Variants in ZNF136 observed in about 807,000 individuals in gnomAD.
The protein encoded by ZNF136 is zinc finger protein 136.
ZNF136 carries 8 observed loss-of-function variants against 11.4 expected under a neutral mutation model. That is an observed-to-expected ratio of 0.70 (90% CI 0.41 to 1.27). The LOEUF is 1.27. ZNF136 is among the 50% of genes most tolerant of loss of function. The pLI is 0.01. For synonymous variants in ZNF136, 190 were observed against 207.1 expected, an observed-to-expected ratio of 0.92 and a Z score of 0.71; for missense variants, 590 against 656.5, an observed-to-expected ratio of 0.90 and a Z score of 1.11.
intron 1 of ZNF136, among the ~76,000 whole-genome samples, chr19:12,165,252 G>A (rs1415432628): frequency 6.6e-6 from 1 of 152,182 alleles, no homozygotes; most frequent in Non-Finnish European, 1.5e-5. Flanking sequence ...GAGCATTTCA[G>A]TGAGCACTAT....
intron 1 of ZNF136, among the ~76,000 whole-genome samples, chr19:12,178,216 C>T (rs1914847679): frequency 6.6e-6 from 1 of 152,144 alleles, no homozygotes; most frequent in Non-Finnish European, 1.5e-5. Context: ...ATATGGTTTG[C>T]AAGTATTTTC....
At position 12,187,985 on chromosome 19, in the gene ZNF136, T is replaced by C; in HGVS notation, c.1607T>C (p.Met536Thr). 1 of 1,526,776 alleles carries C rather than the reference T, an allele frequency of 6.5e-7. No homozygotes were observed. The highest frequency in any genetic ancestry group is 1.4e-5 in the African/African-American group (1 of 72,000). 94.6% of individuals were successfully genotyped at this position (1,526,776 alleles called of 1,614,324 possible). ...GAAGATGGACCACCTTATAAATGCA[T>C]GTGGGAAAGCCTTTAATGCTCTGGG... ...HAEDGPPYKCMWESL is the reference protein window; with the variant it reads ...HAEDGPPYKCTWESL Residue 536 changes from methionine (M) to threonine (T), a missense_variant, in exon 4 of 4, where the codon ATG becomes ACG. Coordinates refer to ENST00000343979, the MANE Select transcript of ZNF136 (RefSeq NM_003437.5).
chr19:12,176,781 C>T (rs1914804972), intron 1 of ZNF136, among the ~76,000 whole-genome samples: 1 of 152,034 alleles, frequency 6.6e-6, no homozygotes, highest in Non-Finnish European at 1.5e-5. Context: ...GGTGCTTAGT[C>T]CTAAGGAGAG....
At chr19:12,173,678 C>G (rs75215084) in intron 1 of ZNF136, among the ~76,000 whole-genome samples, 6,942 of 152,034 alleles carry the variant, frequency 0.046, 267 homozygotes, top group Admixed American at 0.12. Context: ...GCTGTGTTGG[C>G]GAGTTAATTG....
rs541988402 is a variant in ZNF136 at position 12,173,876 on chromosome 19, C to T, written c.3+10670C>T. 2.0e-5 allele frequency among the ~76,000 whole-genome samples: 3 copies of T among 152,136 alleles called. No homozygotes were observed. The South Asian group carries it at 6.2e-4, about 32-fold the overall frequency. Reference sequence around the variant, plus strand: ...TCGAATCGGTTTGGCAGGCACCCAGCAGCTATATGCTGCACAATTGATTAC... The same window carrying T: ...TCGAATCGGTTTGGCAGGCACCCAGTAGCTATATGCTGCACAATTGATTAC... On this transcript the variant is annotated intron_variant, in intron 1 of 3. Transcript: ENST00000343979.
chr19:12,186,206 T>G lies in ZNF136; in HGVS notation c.191+32T>G, dbSNP rs751565399. 15 of 1,590,540 alleles carry G rather than the reference T, an allele frequency of 9.4e-6. No homozygotes were observed. The African/African-American group carries it at 1.9e-4, about 20-fold the overall frequency. ...TGTACTCAGAGAAAGCAAATTCACT[T>G]GAAAGTACCTTAGCATGTCATGAAA... On this transcript the variant is annotated intron_variant, in intron 3 of 3. Transcript: ENST00000343979.
At position 12,179,268 on chromosome 19, in the gene ZNF136, G is replaced by T. The variant is rs182932599; in HGVS notation, c.4-6517G>T. On this transcript the variant is annotated intron_variant, in intron 1 of 3. Transcript: ENST00000343979. ...ATGATAGTAAACCATACGTGACTGT[G>T]TGGTGTATCAATAGGAGAGCGCTCA... 3.1e-3 allele frequency among the ~76,000 whole-genome samples: 468 copies of T among 151,526 alleles called. 1 individual carries two copies. The highest frequency in any genetic ancestry group is 0.011 in the African/African-American group (453 of 41,312).
Position 12,170,412 on chromosome 19 carries a change from AGGT to A in ZNF136, c.3+7207_3+7209del, listed in dbSNP as rs1914625331. On this transcript the variant is annotated intron_variant, in intron 1 of 3. Transcript: ENST00000343979. Reference sequence around the variant, plus strand: ...AAACTTCTTTTTTTTTTTTTGAGGCAGGTCTTCTTCTGTTGCCCAGACTGAAGT... The same window carrying A: ...AAACTTCTTTTTTTTTTTTTGAGGCACTTCTTCTGTTGCCCAGACTGAAGT... Among the ~76,000 whole-genome samples, 3 of 150,604 alleles carry A rather than the reference AGGT, an allele frequency of 2.0e-5. No individual in the cohort carries two copies. In the South Asian group the frequency reaches 6.3e-4, roughly 32 times the overall value.
intron 1 of ZNF136, among the ~76,000 whole-genome samples, chr19:12,178,213 T>C (rs1914847535): frequency 6.6e-6 from 1 of 152,264 alleles, no homozygotes; most frequent in African/African-American, 2.4e-5. Flanking sequence ...GATATATGGT[T>C]TGCAAGTATT....
intron 1 of ZNF136, among the ~76,000 whole-genome samples, chr19:12,169,721 G>T (rs1262674642): frequency 6.6e-6 from 1 of 151,744 alleles, no homozygotes; most frequent in Non-Finnish European, 1.5e-5. Flanking sequence ...CGATTCTCCT[G>T]CCTCAGCCTA....
intron 1 of ZNF136, chr19:12,164,890 T>TTACTAATGCAACACGGGACCC (rs961135322): frequency 6.6e-6 from 1 of 152,214 alleles, no homozygotes; most frequent in African/African-American, 2.4e-5. Flanking sequence ...TATAATCAAC[T>TTACTAATGCAACACGGGACCC]TACTAATGCA....
chr19:12,169,315 G>A (rs955318949), intron 1 of ZNF136: 2 of 152,244 alleles, frequency 1.3e-5, no homozygotes, highest in Admixed American at 6.5e-5. Flanking sequence ...ACCTTACATC[G>A]ACTTGGTGAG....
chr19:12,186,121 A>G lies in ZNF136; in HGVS notation c.138A>G (p.Lys46=). The G allele has an allele frequency of 1.9e-6, 3 of 1,609,238 alleles. No homozygotes were observed. Among genetic ancestry groups the G allele is most frequent in the Non-Finnish European group, 2.5e-6 (3 of 1,178,848 alleles). ...TCTGGGTCTCTGTTTTAGGGAAAAAATGGAAGGACCAGAACATTAAAGATC... is the reference window on the plus strand; with the variant it reads ...TCTGGGTCTCTGTTTTAGGGAAAAAGTGGAAGGACCAGAACATTAAAGATC... ...TMRNLASIGK[K]WKDQNIKDHY... is the part of the protein sequence containing the mutation. The change falls in exon 3 of 4, where the codon AAA becomes AAG. Residue 46 remains lysine (K), a synonymous_variant. Transcript: ENST00000343979.
At chr19:12,165,775 A>G (rs930512588) in intron 1 of ZNF136, among the ~76,000 whole-genome samples, 3 of 152,222 alleles carry the variant, frequency 2.0e-5, no homozygotes, top group Admixed American at 6.5e-5. Flanking sequence ...TGTCTTCACA[A>G]TAATTCTTTT....
chr19:12,167,598 G>T (rs541989149), intron 1 of ZNF136, among the ~76,000 whole-genome samples: 1 of 152,252 alleles, frequency 6.6e-6, no homozygotes, highest in African/African-American at 2.4e-5. Context: ...GGTGGCTCAC[G>T]CCTGAAATCC....
At position 12,163,138 on chromosome 19, in the gene ZNF136, G is replaced by C; in HGVS notation, c.-66G>C. On this transcript the variant is annotated 5_prime_UTR_variant, in exon 1 of 4. Transcript: ENST00000343979. ...AGAGTGGCTCGCCTGGAGTCTCTGT[G>C]GCGCGGTTTCCTGTACCTGCCTTGG... is the stretch of plus-strand genomic sequence containing the variant. 1 of 1,393,888 alleles carries C rather than the reference G, an allele frequency of 7.2e-7. No homozygotes were observed. The highest frequency in any genetic ancestry group is 9.4e-7 in the Non-Finnish European group (1 of 1,066,840). The allele number at this position is 1,393,888 out of a possible 1,614,324, so 86.3% of individuals were successfully genotyped here. A position where few individuals can be genotyped will look rare whatever the true frequency, so the allele number is the denominator to read the frequency against.
chr19:12,177,846 G>T (rs895455278), intron 1 of ZNF136, among the ~76,000 whole-genome samples: 4 of 152,176 alleles, frequency 2.6e-5, no homozygotes, highest in Non-Finnish European at 5.9e-5. Flanking sequence ...AGTGGCTCAT[G>T]CCTATAATCT....
At position 12,179,012 on chromosome 19, in the gene ZNF136, GA is replaced by G. The variant is rs577812140; in HGVS notation, c.4-6761del. Among the ~76,000 whole-genome samples the G allele has an allele frequency of 8.4e-3, 1,070 of 128,040 alleles. 13 individuals are homozygous for G. Among genetic ancestry groups the G allele is most frequent in the South Asian group, 0.061 (251 of 4,146 alleles). 84.0% of individuals were successfully genotyped at this position (128,040 alleles called of 152,430 possible). On this transcript the variant is annotated intron_variant, in intron 1 of 3. Transcript: ENST00000343979. Reference sequence around the variant, plus strand: ...TCACAAAAGAAAAAAAAGAAAGAAAGAAAAAAAAAAAAGAAAAATTGTGAAT... The same window carrying G: ...TCACAAAAGAAAAAAAAGAAAGAAAGAAAAAAAAAAAGAAAAATTGTGAAT...
chr19:12,187,825 A>G lies in ZNF136; in HGVS notation c.1447A>G (p.Lys483Glu). ...EKPFECKRCG[K>E]AFRSSSSFRL... is the part of the protein sequence containing the mutation. ...ACCCTTTGAATGTAAGCGATGTGGT[A>G]AAGCCTTTAGATCTTCTAGTTCCTT... Residue 483 changes from lysine (K) to glutamate (E), a missense_variant, in exon 4 of 4, where the codon AAA becomes GAA. Physicochemically the swap from Lys to Glu is moderately conservative, Grantham distance 56 (BLOSUM62 1). Coordinates refer to ENST00000343979, the MANE Select transcript of ZNF136 (RefSeq NM_003437.5). 1 of 1,606,132 alleles carries G rather than the reference A, an allele frequency of 6.2e-7. No individual in the cohort carries two copies. Among genetic ancestry groups the G allele is most frequent in the Non-Finnish European group, 8.5e-7 (1 of 1,177,268 alleles).
Sources: gnomAD v4.1 joint callset for allele counts (sites outside exome capture counted in the v4.1 genomes callset) on GRCh38, gnomAD v4.1.1 for gene constraint, MANE v1.5 for transcripts, NCBI Gene and HGNC (gene_info 2026-07-23, HGNC 2026-07-21) for gene names.